Variants in CDK6 observed in about 807,000 individuals in gnomAD.
CDK6 encodes the protein cyclin-dependent kinase 6.
Under a neutral mutation model 37.1 loss-of-function variants are expected in CDK6, and 6 were observed. The observed-to-expected ratio is 0.16, with a 90% confidence interval of 0.09 to 0.32. CDK6 has a LOEUF of 0.32. Among genes scored for constraint, CDK6 ranks in the 10% least tolerant of loss-of-function variants. The pLI is 1.00. For synonymous variants in CDK6, 160 were observed against 161.3 expected (o/e 0.99, Z 0.06); for missense variants, 224 against 418.9 (o/e 0.53, Z 4.06).
chr7:92,814,554 G>GAAA, intron 2 of CDK6, among the ~76,000 whole-genome samples: 1 of 69,834 alleles, frequency 1.4e-5, no homozygotes, highest in African/African-American at 8.0e-5. Flanking sequence ...AAACTGAATT[G>GAAA]CAAAAAAAAA....
chr7:92,745,413 C>G (rs1300286845), intron 3 of CDK6, among the ~76,000 whole-genome samples: 1 of 152,186 alleles, frequency 6.6e-6, no homozygotes, highest in African/African-American at 2.4e-5. Context: ...TAGAACTCTA[C>G]TATGACCTCG....
intron 2 of CDK6, among the ~76,000 whole-genome samples, chr7:92,812,958 G>T (rs1800924764): frequency 6.6e-6 from 1 of 152,094 alleles, no homozygotes; most frequent in Non-Finnish European, 1.5e-5. Flanking sequence ...CAGAAACAAA[G>T]GGCATATATG....
chr7:92,736,878 G>C (rs1798801575), intron 3 of CDK6, among the ~76,000 whole-genome samples: 1 of 152,106 alleles, frequency 6.6e-6, no homozygotes. Flanking sequence ...CAAAAAGCAA[G>C]GGGAAAAGCA....
chr7:92,616,313 G>C (rs1251927673), intron 7 of CDK6, among the ~76,000 whole-genome samples: 1 of 152,158 alleles, frequency 6.6e-6, no homozygotes, highest in South Asian at 2.1e-4. Flanking sequence ...CTGGATTAGG[G>C]ACCTCTCTAA....
chr7:92,685,270 T>C (rs1797422806), intron 4 of CDK6, among the ~76,000 whole-genome samples: 1 of 152,204 alleles, frequency 6.6e-6, no homozygotes, highest in Admixed American at 6.5e-5. Flanking sequence ...AGAGTATTTC[T>C]AGGTATATCC....
intron 3 of CDK6, among the ~76,000 whole-genome samples, chr7:92,732,079 C>G (rs892943385): frequency 1.3e-5 from 2 of 152,182 alleles, no homozygotes; most frequent in African/African-American, 2.4e-5. Flanking sequence ...AAACATTTTA[C>G]AATGTGCTGT....
chr7:92,732,685 T>C (rs1453431064), intron 3 of CDK6, among the ~76,000 whole-genome samples: 2 of 152,210 alleles, frequency 1.3e-5, no homozygotes, highest in African/African-American at 4.8e-5. Flanking sequence ...TTGCTAGGAA[T>C]TGATCCAGGG....
intron 2 of CDK6, among the ~76,000 whole-genome samples, chr7:92,813,993 T>C (rs941164395): frequency 6.6e-6 from 1 of 152,248 alleles, no homozygotes; most frequent in African/African-American, 2.4e-5. Context: ...TTGTAATGAT[T>C]CATTTGCATG....
chr7:92,810,795 G>T (rs1053539743), intron 2 of CDK6, among the ~76,000 whole-genome samples: 2 of 152,152 alleles, frequency 1.3e-5, no homozygotes, highest in East Asian at 1.9e-4. Context: ...ATTATAGGCC[G>T]GGTGCAGTGG....
chr7:92,617,444 T>C (rs917941756), intron 7 of CDK6, among the ~76,000 whole-genome samples: 2 of 152,202 alleles, frequency 1.3e-5, no homozygotes, highest in Admixed American at 6.5e-5. Flanking sequence ...CACTCATTAC[T>C]CACTGGGTTT....
chr7:92,761,237 T>C (rs1343804511), intron 3 of CDK6, among the ~76,000 whole-genome samples: 1 of 152,138 alleles, frequency 6.6e-6, no homozygotes, highest in Non-Finnish European at 1.5e-5. Flanking sequence ...CTACCAGATC[T>C]GAAAAATATT....
At chr7:92,801,602 A>G (rs1800576858) in intron 2 of CDK6, among the ~76,000 whole-genome samples, 2 of 151,858 alleles carry the variant, frequency 1.3e-5, no homozygotes. Context: ...TCAAGAGAGA[A>G]AGAATATTCT....
chr7:92,760,868 T>C (rs1303788651), intron 3 of CDK6, among the ~76,000 whole-genome samples: 4 of 152,144 alleles, frequency 2.6e-5, no homozygotes, highest in Non-Finnish European at 5.9e-5. Flanking sequence ...TTTTGCTAGA[T>C]AAATTTTCAT....
chr7:92,612,377 A>C lies in CDK6; in HGVS notation c.*2763T>G. The C allele has an allele frequency of 4.3e-6, 1 of 233,248 alleles. No individual in the cohort carries two copies. The highest frequency in any genetic ancestry group is 1.3e-3 in the Middle Eastern group (1 of 786). 14.4% of individuals were successfully genotyped at this position (233,248 alleles called of 1,614,324 possible). A position where few individuals can be genotyped will look rare whatever the true frequency, so the allele number is the denominator to read the frequency against. On this transcript the variant is annotated 3_prime_UTR_variant, in exon 8 of 8. Transcript: ENST00000424848. Reference sequence around the variant, plus strand: ...TGAAACCATATGTTACAGAAGAATAAGCTGTAGTCACTAAGTTCTTACTCT... The same window carrying C: ...TGAAACCATATGTTACAGAAGAATACGCTGTAGTCACTAAGTTCTTACTCT...
At chr7:92,797,636 G>C (rs1326335288) in intron 2 of CDK6, among the ~76,000 whole-genome samples, 2 of 152,156 alleles carry the variant, frequency 1.3e-5, no homozygotes, top group African/African-American at 4.8e-5. Context: ...GTAGCATAAT[G>C]TTTCTGCATT....
At chr7:92,796,147 T>G (rs993964293) in intron 2 of CDK6, among the ~76,000 whole-genome samples, 40 of 150,062 alleles carry the variant, frequency 2.7e-4, no homozygotes, top group African/African-American at 9.3e-4. Flanking sequence ...CATGTATCAG[T>G]TTTTTTTTCT....
At chr7:92,737,952 C>T (rs1798825961) in intron 3 of CDK6, among the ~76,000 whole-genome samples, 1 of 152,222 alleles carries the variant, frequency 6.6e-6, no homozygotes, top group Non-Finnish European at 1.5e-5. Context: ...AGTCCTTGTG[C>T]CTCCTTCCCA....
intron 4 of CDK6, among the ~76,000 whole-genome samples, chr7:92,675,608 G>A (rs897754973): frequency 6.6e-6 from 1 of 152,112 alleles, no homozygotes; most frequent in South Asian, 2.1e-4. Context: ...TTTGTTATCA[G>A]GGATATTCAA....
chr7:92,696,674 A>G (rs1475215705), intron 4 of CDK6, among the ~76,000 whole-genome samples: 2 of 152,216 alleles, frequency 1.3e-5, no homozygotes, highest in African/African-American at 4.8e-5. Flanking sequence ...GCTTTGGTCT[A>G]TGAGAAATTT....
Sources: allele counts gnomAD v4.1 joint callset (sites outside exome capture counted in the v4.1 genomes callset), GRCh38; gene constraint gnomAD v4.1.1; transcripts MANE v1.5; gene names NCBI Gene and HGNC (gene_info 2026-07-23, HGNC 2026-07-21).